Variants in SLC25A48 observed in about 807,000 individuals in gnomAD.
The protein encoded by SLC25A48 is solute carrier family 25 member 48.
Under a neutral mutation model 32.2 loss-of-function variants are expected in SLC25A48, and 29 were observed. The ratio of observed to expected loss-of-function variants is 0.90; its 90% confidence interval spans 0.67 to 1.23. SLC25A48 has a LOEUF of 1.23. Among genes scored for constraint, SLC25A48 ranks in the 50% most tolerant of loss-of-function variants. The probability of loss-of-function intolerance (pLI) is 0.00; values close to 1 mark genes in which losing one functional copy is unlikely to be tolerated. For synonymous variants in SLC25A48, 164 were observed against 172.3 expected, an observed-to-expected ratio of 0.95 and a Z score of 0.38; for missense variants, 399 against 422.7, an observed-to-expected ratio of 0.94 and a Z score of 0.49.
intron 3 of SLC25A48, among the ~76,000 whole-genome samples, chr5:135,754,893 T>C (rs1256739960): frequency 1.3e-5 from 2 of 151,948 alleles, no homozygotes; most frequent in African/African-American, 4.8e-5. Flanking sequence ...TGTGATAATA[T>C]TGAAATATTG....
In SLC25A48 at chr5:135,611,496, C is replaced by CAAAAAAAAAAAAA. The variant is rs57138043; in HGVS notation, c.-848-17722_-848-17710dup. On this transcript the variant is annotated intron_variant, in intron 1 of 10. Coordinates refer to the SLC25A48 transcript ENST00000646290. The stretch of plus-strand genomic sequence containing the variant: ...TCGGTGACAGAGCGAGACTCCATCT[C>CAAAAAAAAAAAAA]AAAAAAAAAAAAAAAAAAAAAAAAA... 2.2e-3 allele frequency among the ~76,000 whole-genome samples: 48 copies of CAAAAAAAAAAAAA among 21,346 alleles called. 4 individuals are homozygous for CAAAAAAAAAAAAA. The highest frequency in any genetic ancestry group is 5.9e-3 in the South Asian group (1 of 170). 14.0% of individuals were successfully genotyped at this position (21,346 alleles called of 152,430 possible). A position where few individuals can be genotyped will look rare whatever the true frequency, so the allele number is the denominator to read the frequency against.
At chr5:135,642,597 C>G (rs1224444225) in intron 3 of SLC25A48, among the ~76,000 whole-genome samples, 4 of 152,220 alleles carry the variant, frequency 2.6e-5, no homozygotes, top group Non-Finnish European at 4.4e-5. Context: ...TTTCTTGGCT[C>G]TTATTCATTG....
intron 3 of SLC25A48, among the ~76,000 whole-genome samples, chr5:135,754,024 A>C (rs918704994): frequency 2.6e-5 from 4 of 151,430 alleles, no homozygotes; most frequent in Non-Finnish European, 5.9e-5. Flanking sequence ...CCACTGTTAC[A>C]CCAGCAGCCA....
At chr5:135,594,316 C>T (rs1751596206) in intron 1 of SLC25A48, among the ~76,000 whole-genome samples, 2 of 152,174 alleles carry the variant, frequency 1.3e-5, no homozygotes, top group African/African-American at 2.4e-5. Flanking sequence ...TAAGTAGAAC[C>T]AGAGGCTTGG....
At chr5:135,869,345 A>G (rs548415341) in intron 4 of SLC25A48, among the ~76,000 whole-genome samples, 1 of 152,288 alleles carries the variant, frequency 6.6e-6, no homozygotes, top group Non-Finnish European at 1.5e-5. Context: ...CAAAGCAATA[A>G]AAGCTAGATT....
At chr5:135,754,872 T>C (rs1321483890) in intron 3 of SLC25A48, among the ~76,000 whole-genome samples, 1 of 152,066 alleles carries the variant, frequency 6.6e-6, no homozygotes, top group Non-Finnish European at 1.5e-5. Context: ...TAGTGTCCAG[T>C]GTTTATACAC....
intron 2 of SLC25A48, among the ~76,000 whole-genome samples, chr5:135,633,363 C>T (rs1752623853): frequency 1.3e-5 from 2 of 151,828 alleles, no homozygotes; most frequent in African/African-American, 2.4e-5. Context: ...ATAGGGCTTT[C>T]AGGAGGTAAC....
At chr5:135,791,000 G>T (rs1757015453) in intron 3 of SLC25A48, among the ~76,000 whole-genome samples, 2 of 149,540 alleles carry the variant, frequency 1.3e-5, no homozygotes, top group Admixed American at 6.7e-5. Flanking sequence ...TTACGGGGGG[G>T]GTGTTACTTC....
intron 1 of SLC25A48, among the ~76,000 whole-genome samples, chr5:135,604,513 C>T (rs1751885028): frequency 6.6e-6 from 1 of 152,240 alleles, no homozygotes; most frequent in Admixed American, 6.5e-5. Context: ...TAGCCAACGG[C>T]TCCTTGCTCT....
At chr5:135,729,466 G>C (rs1228861387) in intron 3 of SLC25A48, among the ~76,000 whole-genome samples, 1 of 152,038 alleles carries the variant, frequency 6.6e-6, no homozygotes, top group Non-Finnish European at 1.5e-5. Context: ...CTCCATGATT[G>C]ATTGCAGGGA....
Position 135,871,717 on chromosome 5 carries a change from A to T in SLC25A48, c.678A>T (p.Ala226=). 6.2e-7 allele frequency: 1 copy of T among 1,613,002 alleles called. No homozygotes were observed. ...CCGTGTGGCTGGCGGGCGGCATGGC[A>T]GGTAAGGGCAGCAGCAGCTGGAGCC... ...PCAVWLAGGM[A]GAISWGTATP... The change falls in exon 5 of 8, where the codon GCA becomes GCT. Residue 226 remains alanine (A), a splice_region_variant and synonymous_variant. Transcript: ENST00000681962.
chr5:135,725,193 G>T (rs992876540), intron 3 of SLC25A48, among the ~76,000 whole-genome samples: 1 of 152,180 alleles, frequency 6.6e-6, no homozygotes, highest in East Asian at 1.9e-4. Flanking sequence ...CAGATAATGG[G>T]GTTAACTGAG....
chr5:135,864,995 A>T (rs1761078784), intron 4 of SLC25A48, among the ~76,000 whole-genome samples: 1 of 152,228 alleles, frequency 6.6e-6, no homozygotes, highest in South Asian at 2.1e-4. Context: ...CATGGTGATA[A>T]AAATAGGAAT....
chr5:135,755,826 A>G (rs1473577849), intron 3 of SLC25A48, among the ~76,000 whole-genome samples: 1 of 149,982 alleles, frequency 6.7e-6, no homozygotes, highest in Non-Finnish European at 1.5e-5. Context: ...CTCATATCTA[A>G]TGTCAATGCA....
chr5:135,752,117 C>A (rs1182046308), intron 3 of SLC25A48, among the ~76,000 whole-genome samples: 1 of 152,080 alleles, frequency 6.6e-6, no homozygotes, highest in African/African-American at 2.4e-5. Context: ...TTGTTGTATT[C>A]AGTAAATCTT....
At chr5:135,760,882 AAAAT>A (rs1159606578) in intron 3 of SLC25A48, among the ~76,000 whole-genome samples, 1 of 152,242 alleles carries the variant, frequency 6.6e-6, no homozygotes, top group East Asian at 1.9e-4. Flanking sequence ...GGTGTAAAGA[AAAAT>A]AAGAACCTAT....
chr5:135,607,628 G>C (rs1056947449), intron 1 of SLC25A48, among the ~76,000 whole-genome samples: 3 of 152,230 alleles, frequency 2.0e-5, no homozygotes, highest in African/African-American at 7.2e-5. Flanking sequence ...ATGCATCTCT[G>C]AGTGTATATG....
At chr5:135,873,915 C>T in intron 5 of SLC25A48, 106 bp from the exon 6 acceptor site, 2 of 1,273,458 alleles carry the variant, frequency 1.6e-6, no homozygotes, top group Non-Finnish European at 1.0e-6. Context: ...AGCTCTGTCC[C>T]TTCTCCCAGC....
chr5:135,658,392 G>A (rs992401455), intron 3 of SLC25A48, among the ~76,000 whole-genome samples: 12 of 152,158 alleles, frequency 7.9e-5, no homozygotes, highest in African/African-American at 2.7e-4. Flanking sequence ...GCTAAGGGTG[G>A]GCTCCCAAGG....
Sources: gnomAD v4.1 joint callset for allele counts (sites outside exome capture counted in the v4.1 genomes callset) on GRCh38, gnomAD v4.1.1 for gene constraint, MANE v1.5 for transcripts, NCBI Gene and HGNC (gene_info 2026-07-23, HGNC 2026-07-21) for gene names.